KLHDC1: variants seen among roughly 807,000 people sequenced by gnomAD.
KLHDC1 encodes the protein kelch domain containing 1, also known as kelch domain-containing protein 1.
KLHDC1 carries 53 observed loss-of-function variants against 68.3 expected under a neutral mutation model. The observed-to-expected ratio is 0.78, with a 90% confidence interval of 0.62 to 0.98. The LOEUF (loss-of-function observed/expected upper bound fraction) is 0.98, where lower values mean the gene tolerates loss of function less well. Ranked by LOEUF, KLHDC1 falls within the 50% of genes least tolerant of loss-of-function variation. KLHDC1 has a pLI of 0.00. For missense variants in KLHDC1, 470 were observed against 492.3 expected (o/e 0.95, Z 0.43); for synonymous variants, 148 against 159.0 (o/e 0.93, Z 0.52).
At position 49,743,742 on chromosome 14, in the gene KLHDC1, G is replaced by T. The variant is rs113321768; in HGVS notation, c.982-11G>T. On this transcript the variant is annotated splice_polypyrimidine_tract_variant and intron_variant, in intron 11 of 12. Coordinates refer to ENST00000359332, the MANE Select transcript of KLHDC1 (RefSeq NM_172193.3). ...TCAAAAACTTAATAATGCCTTTTTT[G>T]TGTTGATTAGGGTCACTGTAATGAT... 1.3e-6 allele frequency: 2 copies of T among 1,549,454 alleles called. No individual in the cohort carries two copies. Among genetic ancestry groups the T allele is most frequent in the Non-Finnish European group, 1.8e-6 (2 of 1,134,120 alleles).
intron 6 of KLHDC1, among the ~76,000 whole-genome samples, chr14:49,727,531 A>G (rs1351430169): frequency 1.3e-5 from 2 of 152,330 alleles, no homozygotes; most frequent in East Asian, 3.9e-4. Flanking sequence ...AATGATGGGA[A>G]GGTCTATACA....
chr14:49,752,777 A>C lies in KLHDC1; in HGVS notation c.*1005A>C, dbSNP rs867721160. On this transcript the variant is annotated 3_prime_UTR_variant, in exon 13 of 13. Coordinates refer to ENST00000359332, the MANE Select transcript of KLHDC1 (RefSeq NM_172193.3). The stretch of plus-strand genomic sequence containing the variant: ...TAAAAATGGTACTTTTGGCATAATT[A>C]AGAAATTTTTCTTCATATTATCACA... 10 of 152,116 alleles carry C rather than the reference A, an allele frequency of 6.6e-5. No homozygotes were observed. Among genetic ancestry groups the C allele is most frequent in the African/African-American group, 2.4e-4 (10 of 41,460 alleles). The allele number at this position is 152,116 out of a possible 1,614,324, so 9.4% of individuals were successfully genotyped here.
At chr14:49,729,188 T>C (rs1408661121) in intron 7 of KLHDC1, among the ~76,000 whole-genome samples, 179 bp downstream of exon 7, 1 of 152,224 alleles carries the variant, frequency 6.6e-6, no homozygotes, top group Non-Finnish European at 1.5e-5. Flanking sequence ...CATAGATGAT[T>C]ATAAATCATA....
At chr14:49,731,162 C>G (rs1313093700) in intron 8 of KLHDC1, among the ~76,000 whole-genome samples, 1 of 152,048 alleles carries the variant, frequency 6.6e-6, no homozygotes, top group Non-Finnish European at 1.5e-5. Flanking sequence ...TGCTTGTAAA[C>G]AGAGCTACTT....
At chr14:49,707,370 CAG>C (rs940870883) in intron 1 of KLHDC1, among the ~76,000 whole-genome samples, 14 of 94,496 alleles carry the variant, frequency 1.5e-4, no homozygotes, top group Non-Finnish European at 1.9e-4. Flanking sequence ...TTTTTGGAGA[CAG>C]AGTCTCCATT....
intron 1 of KLHDC1, chr14:49,700,050 A>G (rs1158847020): frequency 9.1e-6 from 3 of 328,926 alleles, no homozygotes; most frequent in African/African-American, 2.5e-5. Flanking sequence ...TTTTTTTTAG[A>G]TGGAGTCTCG....
At chr14:49,744,292 ATG>A (rs36219162) in intron 12 of KLHDC1, among the ~76,000 whole-genome samples, 28 of 150,634 alleles carry the variant, frequency 1.9e-4, no homozygotes, top group Middle Eastern at 3.5e-3. Flanking sequence ...GCCTGTATAT[ATG>A]TGTGTGTGTG....
intron 1 of KLHDC1, among the ~76,000 whole-genome samples, chr14:49,698,606 C>T (rs1189007246): frequency 6.6e-6 from 1 of 151,866 alleles, no homozygotes; most frequent in African/African-American, 2.4e-5. Flanking sequence ...ACCTCTGCCT[C>T]CTGGGTTCAA....
intron 8 of KLHDC1, 85 bp from the exon 9 acceptor site, chr14:49,732,619 A>AT (rs60013005): frequency 0.82 from 342,966 of 418,012 alleles, 136,406 homozygotes; most frequent in Admixed American, 0.88. Flanking sequence ...GTGAGGGCAG[A>AT]TTTTTTTTTT....
chr14:49,700,060 G>A (rs1317041646), intron 1 of KLHDC1: 3 of 317,796 alleles, frequency 9.4e-6, no homozygotes, highest in Non-Finnish European at 1.8e-5. Flanking sequence ...ATGGAGTCTC[G>A]CTCTTGCCCA....
chr14:49,744,751 G>T (rs1385598270), intron 12 of KLHDC1, among the ~76,000 whole-genome samples: 4 of 152,146 alleles, frequency 2.6e-5, no homozygotes, highest in Non-Finnish European at 4.4e-5. Context: ...GTTCAGTACA[G>T]ATGCAACTGT....
chr14:49,710,512 T>C (rs932281465), intron 4 of KLHDC1, 131 bp downstream of exon 4: 3 of 579,248 alleles, frequency 5.2e-6, no homozygotes, highest in Non-Finnish European at 9.4e-6. Flanking sequence ...AATCAATATC[T>C]GACAATGCCC....
intron 4 of KLHDC1, among the ~76,000 whole-genome samples, chr14:49,715,765 A>ATATATATATATAT (rs751869582): frequency 1.9e-5 from 1 of 51,380 alleles, no homozygotes; most frequent in Admixed American, 2.8e-4. Flanking sequence ...AAAAAAAAAA[A>ATATATATATATAT]ATATATATAT....
At chr14:49,739,939 T>C (rs1239655572) in intron 10 of KLHDC1, among the ~76,000 whole-genome samples, 159 bp from the exon 11 acceptor site, 9 of 152,222 alleles carry the variant, frequency 5.9e-5, no homozygotes, top group Non-Finnish European at 1.3e-4. Flanking sequence ...TCTAGAGGAA[T>C]CTTTATAACC....
At chr14:49,693,742 C>CTTTTTTTT (rs1566589138) in intron 1 of KLHDC1, among the ~76,000 whole-genome samples, 6 of 60,918 alleles carry the variant, frequency 9.8e-5, no homozygotes, top group African/African-American at 3.2e-4. Flanking sequence ...ATTTTCTTTT[C>CTTTTTTTT]TTTTTCTTTT....
At position 49,696,644 on chromosome 14, in the gene KLHDC1, G is replaced by A. The variant is rs143234549; in HGVS notation, c.96+3354G>A. The stretch of plus-strand genomic sequence containing the variant: ...GCCTAAGGGAATGTTGTGGCTGTAT[G>A]ATCTTGTATCCAGACCACTAAAACT... On this transcript the variant is annotated intron_variant, in intron 1 of 12. Transcript: ENST00000359332. 7.9e-3 allele frequency among the ~76,000 whole-genome samples: 1,206 copies of A among 152,304 alleles called. 19 individuals carry two copies. The highest frequency in any genetic ancestry group is 0.028 in the African/African-American group (1,148 of 41,568).
chr14:49,715,755 A>ATATATATAT (rs1190003555), intron 4 of KLHDC1, among the ~76,000 whole-genome samples: 3 of 127,256 alleles, frequency 2.4e-5, no homozygotes, highest in African/African-American at 9.1e-5. Context: ...AAAAAAAAAA[A>ATATATATAT]AAAAAAAAAA....
chr14:49,742,497 C>T (rs1044537745), intron 11 of KLHDC1, among the ~76,000 whole-genome samples: 4 of 151,732 alleles, frequency 2.6e-5, no homozygotes, highest in African/African-American at 4.8e-5. Context: ...ATGGCAAAAC[C>T]CCATCTCTAC....
intron 1 of KLHDC1, among the ~76,000 whole-genome samples, chr14:49,705,262 T>G (rs1236722833): frequency 6.6e-6 from 1 of 151,128 alleles, no homozygotes. Flanking sequence ...TACCATATAA[T>G]ACAGAATCAT....
Sources: gnomAD v4.1 joint callset for allele counts (sites outside exome capture counted in the v4.1 genomes callset) on GRCh38, gnomAD v4.1.1 for gene constraint, MANE v1.5 for transcripts, NCBI Gene and HGNC (gene_info 2026-07-23, HGNC 2026-07-21) for gene names.